Variants in CADM2 observed in about 807,000 individuals in gnomAD.
The protein encoded by CADM2 is immunoglobulin superfamily member 4D.
A neutral mutation model predicts 49.8 loss-of-function variants in CADM2; 12 were observed. The ratio of observed to expected loss-of-function variants is 0.24; its 90% CI spans 0.15 to 0.39. The LOEUF (loss-of-function observed/expected upper bound fraction) is 0.39. CADM2 is among the 10% of genes least tolerant of loss of function. The pLI is 1.00. For synonymous variants in CADM2, 214 were observed against 175.4 expected (o/e 1.22, Z -1.74); for missense variants, 378 against 492.3 (o/e 0.77, Z 2.20).
chr3:85,567,922 A>AAGG (rs1322199994), intron 1 of CADM2, among the ~76,000 whole-genome samples: 1 of 152,166 alleles, frequency 6.6e-6, no homozygotes, highest in Non-Finnish European at 1.5e-5. Flanking sequence ...TCTAATGTGG[A>AAGG]AGGGCAGGAG....
intron 3 of CADM2, among the ~76,000 whole-genome samples, chr3:85,869,609 T>C (rs1327530408): frequency 6.6e-6 from 1 of 152,082 alleles, no homozygotes; most frequent in Non-Finnish European, 1.5e-5. Flanking sequence ...TCGTGATTCA[T>C]TGCTGTTAAA....
chr3:85,165,031 G>A (rs1034746751), intron 1 of CADM2, among the ~76,000 whole-genome samples: 2 of 151,548 alleles, frequency 1.3e-5, no homozygotes, highest in African/African-American at 2.4e-5. Context: ...ATGTTTAAAA[G>A]TACTCCGAAA....
chr3:85,879,642 A>T (rs1238991712), intron 3 of CADM2, among the ~76,000 whole-genome samples: 3 of 152,150 alleles, frequency 2.0e-5, no homozygotes, highest in African/African-American at 7.2e-5. Flanking sequence ...TCCCTACTCC[A>T]TCAAATGTGC....
intron 1 of CADM2, among the ~76,000 whole-genome samples, chr3:84,990,118 G>A (rs1325976146): frequency 6.6e-6 from 1 of 151,350 alleles, no homozygotes; most frequent in Non-Finnish European, 1.5e-5. Context: ...AACATGAAAG[G>A]GTATGGATTT....
At chr3:85,671,944 G>A (rs141457656) in intron 1 of CADM2, among the ~76,000 whole-genome samples, 1 of 151,998 alleles carries the variant, frequency 6.6e-6, no homozygotes, top group Admixed American at 6.6e-5. Flanking sequence ...TTTCAAAATT[G>A]ATGTCTGGAA....
intron 3 of CADM2, among the ~76,000 whole-genome samples, chr3:85,849,296 A>G (rs2075002290): frequency 6.6e-6 from 1 of 152,256 alleles, no homozygotes; most frequent in African/African-American, 2.4e-5. Context: ...TATTGTTTCA[A>G]CAATAATAAC....
At chr3:85,899,353 AC>A (rs1715781416) in intron 5 of CADM2, among the ~76,000 whole-genome samples, 1 of 152,142 alleles carries the variant, frequency 6.6e-6, no homozygotes, top group Non-Finnish European at 1.5e-5. Flanking sequence ...CAAAAATTAT[AC>A]ATATACATTT....
At chr3:86,005,552 A>G (rs1730678279) in intron 8 of CADM2, among the ~76,000 whole-genome samples, 1 of 100,278 alleles carries the variant, frequency 1.0e-5, no homozygotes, top group African/African-American at 3.5e-5. Context: ...ACTCCGTCTC[A>G]TATAAAAAAA....
intron 1 of CADM2, among the ~76,000 whole-genome samples, chr3:85,638,837 A>C (rs1348949796): frequency 1.3e-5 from 2 of 152,124 alleles, no homozygotes; most frequent in African/African-American, 4.8e-5. Flanking sequence ...AAAAGTATAT[A>C]AAAAGAGAGA....
chr3:85,654,209 A>T (rs1194806772), intron 1 of CADM2, among the ~76,000 whole-genome samples: 1 of 152,176 alleles, frequency 6.6e-6, no homozygotes, highest in Non-Finnish European at 1.5e-5. Context: ...AGGTCAGGAG[A>T]GGTATTTATC....
At chr3:85,301,719 G>A (rs931968369) in intron 1 of CADM2, among the ~76,000 whole-genome samples, 2 of 151,988 alleles carry the variant, frequency 1.3e-5, no homozygotes, top group Non-Finnish European at 2.9e-5. Flanking sequence ...GATTACTGTA[G>A]AATATTGTAC....
In CADM2 at chr3:85,246,372, C is replaced by T. The variant is rs563145113; in HGVS notation, c.61+286704C>T. On this transcript the variant is annotated intron_variant, in intron 1 of 9. Transcript: ENST00000383699. ...ATGAGGAGTTAATGGGTGCAGCACACCAACATGGCACATGTACACATATGT... is the reference window on the plus strand; with the variant it reads ...ATGAGGAGTTAATGGGTGCAGCACATCAACATGGCACATGTACACATATGT... 2.0e-5 allele frequency among the ~76,000 whole-genome samples: 3 copies of T among 152,010 alleles called. No homozygotes were observed. The East Asian group carries it at 5.8e-4, about 29-fold the overall frequency.
intron 1 of CADM2, among the ~76,000 whole-genome samples, chr3:85,411,668 G>A (rs1413764295): frequency 6.6e-6 from 1 of 151,980 alleles, no homozygotes; most frequent in East Asian, 1.9e-4. Context: ...CTAATTTGTT[G>A]GATTACCCAG....
At chr3:85,192,238 G>C (rs184289341) in intron 1 of CADM2, among the ~76,000 whole-genome samples, 2 of 152,066 alleles carry the variant, frequency 1.3e-5, no homozygotes, top group African/African-American at 4.8e-5. Context: ...GCTCTTTACT[G>C]GAAGATTCTA....
chr3:85,207,549 G>C (rs367562791), intron 1 of CADM2, among the ~76,000 whole-genome samples: 6 of 152,090 alleles, frequency 3.9e-5, no homozygotes, highest in African/African-American at 1.4e-4. Context: ...ACTATCAGCA[G>C]CCATCAATTT....
At chr3:85,297,544 G>T (rs2043996488) in intron 1 of CADM2, among the ~76,000 whole-genome samples, 1 of 151,994 alleles carries the variant, frequency 6.6e-6, no homozygotes. Flanking sequence ...GGGTACTGGG[G>T]TCTCAGCCAA....
chr3:85,090,512 A>AT (rs1217450854), intron 1 of CADM2, among the ~76,000 whole-genome samples: 4 of 152,156 alleles, frequency 2.6e-5, no homozygotes, highest in Non-Finnish European at 4.4e-5. Context: ...GATACAAAAT[A>AT]TTTTTTCTTA....
chr3:85,951,067 C>A (rs538955999), intron 7 of CADM2, among the ~76,000 whole-genome samples: 1 of 150,828 alleles, frequency 6.6e-6, no homozygotes, highest in East Asian at 2.0e-4. Context: ...GATTCTGAAA[C>A]TATAAATAGA....
intron 3 of CADM2, among the ~76,000 whole-genome samples, chr3:85,833,084 T>G (rs148465914): frequency 9.2e-5 from 14 of 152,076 alleles, no homozygotes; most frequent in African/African-American, 3.4e-4. Flanking sequence ...TCACATAATT[T>G]TGTTTTAAAT....
Sources: gnomAD v4.1 joint callset for allele counts (sites outside exome capture counted in the v4.1 genomes callset) on GRCh38, gnomAD v4.1.1 for gene constraint, MANE v1.5 for transcripts, NCBI Gene and HGNC (gene_info 2026-07-23, HGNC 2026-07-21) for gene names.